GRIK2: variants seen among roughly 807,000 people sequenced by gnomAD.
The protein encoded by GRIK2 is glutamate ionotropic receptor kainate type subunit 2.
In GRIK2, 32 loss-of-function variants were observed where a neutral mutation model predicts 100.3. The observed-to-expected ratio is 0.32, with a 90% CI of 0.24 to 0.43. GRIK2 has a LOEUF of 0.43. Among genes scored for constraint, GRIK2 ranks in the 20% least tolerant of loss-of-function variants. The pLI, the probability that GRIK2 is intolerant of heterozygous loss-of-function variation, is 1.00. For missense variants in GRIK2, 843 were observed against 1,114.9 expected (o/e 0.76, Z 3.47); for synonymous variants, 417 against 389.4 (o/e 1.07, Z -0.83).
intron 14 of GRIK2, among the ~76,000 whole-genome samples, chr6:101,961,097 G>C (rs188563489): frequency 1.3e-5 from 2 of 152,204 alleles, no homozygotes; most frequent in Non-Finnish European, 2.9e-5. Context: ...CCACATCATG[G>C]GCAGGCAGGA....
intron 2 of GRIK2, among the ~76,000 whole-genome samples, chr6:101,548,167 G>C (rs2128291335): frequency 6.6e-6 from 1 of 152,170 alleles, no homozygotes; most frequent in African/African-American, 2.4e-5. Flanking sequence ...TGATGGGGTT[G>C]TTTGTTTTTT....
intron 7 of GRIK2, among the ~76,000 whole-genome samples, chr6:101,776,956 A>G (rs185451147): frequency 3.9e-4 from 59 of 152,334 alleles, no homozygotes; most frequent in Admixed American, 7.2e-4. Flanking sequence ...TCTGGAGAGT[A>G]TCCATCTGAA....
intron 2 of GRIK2, among the ~76,000 whole-genome samples, chr6:101,442,125 G>C (rs567947561): frequency 6.6e-6 from 1 of 152,206 alleles, no homozygotes; most frequent in East Asian, 1.9e-4. Flanking sequence ...ATGAAACCCC[G>C]GCTTTGGCCA....
intron 4 of GRIK2, among the ~76,000 whole-genome samples, chr6:101,660,664 A>G (rs2083476701): frequency 6.6e-6 from 1 of 151,072 alleles, no homozygotes; most frequent in South Asian, 2.1e-4. Context: ...TTTTGTGTGG[A>G]CCTCCTTTTT....
At chr6:101,850,176 A>G (rs777396136) in intron 10 of GRIK2, among the ~76,000 whole-genome samples, 4 of 152,044 alleles carry the variant, frequency 2.6e-5, no homozygotes, top group African/African-American at 4.8e-5. Context: ...GTAGACGTGT[A>G]AATAAATACA....
chr6:101,647,915 T>C (rs974341134), intron 4 of GRIK2, among the ~76,000 whole-genome samples: 4 of 152,014 alleles, frequency 2.6e-5, no homozygotes, highest in African/African-American at 7.2e-5. Context: ...TTTATCAACC[T>C]TGGTGCTGTT....
chr6:101,787,240 A>T (rs1450179532), intron 7 of GRIK2, among the ~76,000 whole-genome samples: 1 of 148,636 alleles, frequency 6.7e-6, no homozygotes, highest in Non-Finnish European at 1.5e-5. Context: ...GAAGTTTGTC[A>T]ATTTTTTTTA....
chr6:101,659,496 A>C (rs1225806225), intron 4 of GRIK2, among the ~76,000 whole-genome samples: 1 of 152,012 alleles, frequency 6.6e-6, no homozygotes, highest in Non-Finnish European at 1.5e-5. Flanking sequence ...GTTATGTGTG[A>C]ATTTGATCTC....
intron 2 of GRIK2, among the ~76,000 whole-genome samples, chr6:101,503,869 T>C (rs1315876853): frequency 6.6e-6 from 1 of 152,104 alleles, no homozygotes; most frequent in Non-Finnish European, 1.5e-5. Flanking sequence ...GCAAACAAGA[T>C]GGTGCAGCAG....
chr6:101,572,511 C>A (rs1777585942), intron 2 of GRIK2, among the ~76,000 whole-genome samples: 1 of 151,912 alleles, frequency 6.6e-6, no homozygotes, highest in Non-Finnish European at 1.5e-5. Flanking sequence ...AAGAGGGGAA[C>A]AAATAAAAGT....
At chr6:101,421,027 T>C (rs1467794679) in intron 2 of GRIK2, among the ~76,000 whole-genome samples, 1 of 152,170 alleles carries the variant, frequency 6.6e-6, no homozygotes, top group African/African-American at 2.4e-5. Flanking sequence ...ACCCTATATC[T>C]TGGACTCCTT....
chr6:101,904,741 G>T (rs931163983), intron 12 of GRIK2, among the ~76,000 whole-genome samples: 1 of 151,444 alleles, frequency 6.6e-6, no homozygotes, highest in East Asian at 1.9e-4. Flanking sequence ...AATTTTGTTA[G>T]TATTATTACC....
chr6:101,580,624 C>T (rs757256549), intron 2 of GRIK2, among the ~76,000 whole-genome samples: 1 of 152,010 alleles, frequency 6.6e-6, no homozygotes, highest in Non-Finnish European at 1.5e-5. Context: ...TGGAAAAAGT[C>T]AAAATCCCAA....
chr6:101,811,225 T>C, intron 9 of GRIK2, among the ~76,000 whole-genome samples: 1 of 152,106 alleles, frequency 6.6e-6, no homozygotes, highest in East Asian at 1.9e-4. Context: ...GAAACCCATG[T>C]ACAGTGTGGT....
At chr6:101,997,558 C>A (rs1033820271) in intron 14 of GRIK2, among the ~76,000 whole-genome samples, 1 of 152,080 alleles carries the variant, frequency 6.6e-6, no homozygotes, top group Non-Finnish European at 1.5e-5. Flanking sequence ...ATGGAAACTT[C>A]ATTGACTTCA....
intron 2 of GRIK2, among the ~76,000 whole-genome samples, chr6:101,521,113 G>A (rs1199580894): frequency 5.3e-5 from 8 of 151,980 alleles, no homozygotes; most frequent in South Asian, 2.1e-4. Flanking sequence ...AGATTAAAAA[G>A]TTTGTAACCA....
intron 7 of GRIK2, among the ~76,000 whole-genome samples, chr6:101,723,132 T>C (rs1774606459): frequency 6.6e-6 from 1 of 152,064 alleles, no homozygotes; most frequent in Non-Finnish European, 1.5e-5. Flanking sequence ...CTACTTTGAG[T>C]GAGTCAGTAT....
At chr6:101,505,679 G>A (rs3808) in intron 2 of GRIK2, among the ~76,000 whole-genome samples, 35,501 of 151,362 alleles carry the variant, frequency 0.23, 5,031 homozygotes, top group East Asian at 0.48. Flanking sequence ...AGAAATTGGG[G>A]ACGAGAGAAT....
At chr6:101,510,820 C>G (rs1774276810) in intron 2 of GRIK2, among the ~76,000 whole-genome samples, 1 of 150,568 alleles carries the variant, frequency 6.6e-6, no homozygotes, top group South Asian at 2.1e-4. Flanking sequence ...CCATGTCTGG[C>G]CAGGAGGAGA....
Sources: allele counts gnomAD v4.1 joint callset (sites outside exome capture counted in the v4.1 genomes callset), GRCh38; gene constraint gnomAD v4.1.1; transcripts MANE v1.5; gene names NCBI Gene and HGNC (gene_info 2026-07-23, HGNC 2026-07-21).